The following SEMA3E variants were observed in gnomAD, a reference collection of about 807,000 sequenced individuals.
SEMA3E encodes the protein semaphorin 3E, also known as semaphorin-3E.
A neutral mutation model predicts 93.6 loss-of-function variants in SEMA3E; 49 were observed. That is an observed-to-expected ratio of 0.52 (90% CI 0.42 to 0.66). The LOEUF (loss-of-function observed/expected upper bound fraction) is 0.66, where lower values mean the gene tolerates loss of function less well. SEMA3E is among the 30% of genes least tolerant of loss of function. The pLI is 0.00. For missense variants in SEMA3E, 906 were observed against 964.8 expected (o/e 0.94, Z 0.81); for synonymous variants, 363 against 330.7 (o/e 1.10, Z -1.06).
rs1469369566 is a variant in SEMA3E, at chr7:83,490,293, C to T, written c.116-19G>A. On this transcript the variant is annotated intron_variant, in intron 1 of 16. Transcript: ENST00000643230. ...AAGAGCTCTGAAATGCAAAGTGATA[C>T]ATACACTAAGCACACGAGAAAATGT... 1 of 1,609,246 alleles carries T rather than the reference C, an allele frequency of 6.2e-7. No individual in the cohort carries two copies. Among genetic ancestry groups the T allele is most frequent in the South Asian group, 1.1e-5 (1 of 91,006 alleles).
Position 83,607,621 on chromosome 7 carries a change from T to C in SEMA3E, c.115+40807A>G, listed in dbSNP as rs78792569. On this transcript the variant is annotated intron_variant, in intron 1 of 16. Transcript: ENST00000643230. ...AATGCTATAAAATAAAAATTTGGAA[T>C]ACTATAAGTATGATCAAGCTAAAGG... 4.0e-3 allele frequency among the ~76,000 whole-genome samples: 608 copies of C among 152,314 alleles called. 5 individuals are homozygous for C. The highest frequency in any genetic ancestry group is 0.014 in the African/African-American group (583 of 41,576).
chr7:83,527,400 G>A (rs1200428474), intron 1 of SEMA3E, among the ~76,000 whole-genome samples: 22 of 152,042 alleles, frequency 1.4e-4, no homozygotes, highest in Admixed American at 1.4e-3. Flanking sequence ...TGGAGTAGGT[G>A]GACAAATAAG....
chr7:83,501,301 A>ATAAT (rs1790592149), intron 1 of SEMA3E, among the ~76,000 whole-genome samples: 2 of 152,244 alleles, frequency 1.3e-5, no homozygotes, highest in Admixed American at 1.3e-4. Context: ...TGTGTACAAA[A>ATAAT]GTGTAATGTT....
At chr7:83,474,367 G>T (rs941708679) in intron 2 of SEMA3E, among the ~76,000 whole-genome samples, 1 of 152,018 alleles carries the variant, frequency 6.6e-6, no homozygotes, top group African/African-American at 2.4e-5. Flanking sequence ...TGAATTATAG[G>T]TATAAAATAT....
chr7:83,601,184 C>A (rs1054367973), intron 1 of SEMA3E, among the ~76,000 whole-genome samples: 1 of 152,138 alleles, frequency 6.6e-6, no homozygotes, highest in African/African-American at 2.4e-5. Context: ...GGGACACAGA[C>A]CTAACAACCC....
chr7:83,454,257 C>CAAAAAAAA (rs1157801830), intron 4 of SEMA3E, among the ~76,000 whole-genome samples: 11 of 44,952 alleles, frequency 2.4e-4, no homozygotes, highest in African/African-American at 8.0e-4. Context: ...GACTCCGACT[C>CAAAAAAAA]AAAAAAAAAA....
At chr7:83,469,041 T>C (rs1017611721) in intron 3 of SEMA3E, among the ~76,000 whole-genome samples, 2 of 152,148 alleles carry the variant, frequency 1.3e-5, no homozygotes, top group Non-Finnish European at 2.9e-5. Flanking sequence ...AAAACCAAGA[T>C]CTCAATGGCA....
intron 2 of SEMA3E, among the ~76,000 whole-genome samples, chr7:83,478,231 G>A (rs1790062520): frequency 6.6e-6 from 1 of 151,946 alleles, no homozygotes; most frequent in African/African-American, 2.4e-5. Flanking sequence ...CCCAATTTTA[G>A]CTTTAAATTA....
chr7:83,570,355 C>T (rs1246568875), intron 1 of SEMA3E, among the ~76,000 whole-genome samples: 4 of 150,714 alleles, frequency 2.7e-5, no homozygotes, highest in Non-Finnish European at 5.9e-5. Flanking sequence ...AGATCGAGAC[C>T]ATCCCGGCTA....
At chr7:83,417,633 T>C (rs1352225091) in intron 5 of SEMA3E, among the ~76,000 whole-genome samples, 1 of 152,098 alleles carries the variant, frequency 6.6e-6, no homozygotes, top group Non-Finnish European at 1.5e-5. Context: ...ATGTCAGTGT[T>C]GGGGATTGCT....
chr7:83,442,396 GT>G (rs942984225), intron 4 of SEMA3E, among the ~76,000 whole-genome samples: 1 of 152,108 alleles, frequency 6.6e-6, no homozygotes, highest in Non-Finnish European at 1.5e-5. Context: ...ACTCAGTTCT[GT>G]TTGGAAACAA....
At chr7:83,471,159 A>C (rs1280867622) in intron 2 of SEMA3E, among the ~76,000 whole-genome samples, 2 of 152,108 alleles carry the variant, frequency 1.3e-5, no homozygotes, top group Non-Finnish European at 2.9e-5. Flanking sequence ...ATATGATCTG[A>C]GTATTAACAG....
At chr7:83,413,413 C>A (rs1418744758) in intron 5 of SEMA3E, among the ~76,000 whole-genome samples, 1 of 152,178 alleles carries the variant, frequency 6.6e-6, no homozygotes, top group African/African-American at 2.4e-5. Flanking sequence ...CAGCATATGG[C>A]TAAAGACTGA....
At chr7:83,395,724 T>C (rs993818212) in intron 12 of SEMA3E, among the ~76,000 whole-genome samples, 1 of 152,040 alleles carries the variant, frequency 6.6e-6, no homozygotes, top group Admixed American at 6.6e-5. Flanking sequence ...AAGTGCTGTT[T>C]AATGTTCCTA....
chr7:83,465,216 TTGAC>T (rs758386241), intron 4 of SEMA3E, among the ~76,000 whole-genome samples: 5 of 151,536 alleles, frequency 3.3e-5, no homozygotes, highest in African/African-American at 7.3e-5. Context: ...CAAACCCCCT[TTGAC>T]TGTAATTTTC....
chr7:83,372,531 G>T, intron 16 of SEMA3E: 2 of 312,200 alleles, frequency 6.4e-6, no homozygotes, highest in Non-Finnish European at 5.8e-6. Context: ...TTTCAAGTTT[G>T]GTAAGTTAAA....
chr7:83,498,011 G>A lies in SEMA3E; in HGVS notation c.116-7737C>T, dbSNP rs140296643. 3.3e-5 allele frequency among the ~76,000 whole-genome samples: 5 copies of A among 152,224 alleles called. No individual in the cohort carries two copies. In the East Asian group the frequency reaches 5.8e-4, roughly 18 times the overall value. On this transcript the variant is annotated intron_variant, in intron 1 of 16. Coordinates refer to ENST00000643230, the MANE Select transcript of SEMA3E (RefSeq NM_012431.3). Reference sequence around the variant, plus strand: ...GAAAAGTAAATATGTAAGTGAAGATGTATTTAATGATTAAGATGAAGACAT... The same window carrying A: ...GAAAAGTAAATATGTAAGTGAAGATATATTTAATGATTAAGATGAAGACAT...
At chr7:83,643,132 A>G (rs993011131) in intron 1 of SEMA3E, among the ~76,000 whole-genome samples, 2 of 152,042 alleles carry the variant, frequency 1.3e-5, no homozygotes, top group Admixed American at 6.6e-5. Context: ...TTGGTGCTTT[A>G]TTATGTGGTC....
chr7:83,594,944 G>C (rs1212176833), intron 1 of SEMA3E, among the ~76,000 whole-genome samples: 2 of 137,696 alleles, frequency 1.5e-5, no homozygotes, highest in Non-Finnish European at 3.1e-5. Flanking sequence ...GTTTTCCAGA[G>C]AACTTCTGGG....
Sources: allele counts gnomAD v4.1 joint callset (sites outside exome capture counted in the v4.1 genomes callset), GRCh38; gene constraint gnomAD v4.1.1; transcripts MANE v1.5; gene names NCBI Gene and HGNC (gene_info 2026-07-23, HGNC 2026-07-21).